The following FBXW7 variants were observed in gnomAD, a reference collection of about 807,000 sequenced individuals.
The protein encoded by FBXW7 is F-box and WD repeat domain containing 7.
In FBXW7, 11 loss-of-function variants were observed where a neutral mutation model predicts 86.3. That is an observed-to-expected ratio of 0.13 (90% confidence interval 0.08 to 0.21). The LOEUF (loss-of-function observed/expected upper bound fraction) is 0.21. FBXW7 is among the 10% of genes least tolerant of loss of function. FBXW7 has a pLI of 1.00. For missense variants in FBXW7, 488 were observed against 847.4 expected, an observed-to-expected ratio of 0.58 and a Z score of 5.27; for synonymous variants, 313 against 297.9, an observed-to-expected ratio of 1.05 and a Z score of -0.52.
rs557599171 is a variant in FBXW7, at chr4:152,453,506, A to G, written c.-119-40977T>C. On this transcript the variant is annotated intron_variant, in intron 2 of 13. Transcript: ENST00000281708. ...TGGATAAGGAAGATGCAGCCATACA[A>G]AAACGGGCTAAAATCTCTCCTGCCT... Among the ~76,000 whole-genome samples, 7 of 152,258 alleles carry G rather than the reference A, an allele frequency of 4.6e-5. No homozygotes were observed. In the South Asian group the frequency reaches 1.2e-3, roughly 27 times the overall value.
intron 10 of FBXW7, 46 bp downstream of exon 10, chr4:152,329,626 A>G (rs746758297): frequency 1.1e-6 from 1 of 949,070 alleles, no homozygotes; most frequent in South Asian, 1.7e-5. Flanking sequence ...TTGCAATGAT[A>G]TACACAAAAT....
chr4:152,449,035 C>T (rs918335657), intron 2 of FBXW7, among the ~76,000 whole-genome samples: 2 of 152,152 alleles, frequency 1.3e-5, no homozygotes, highest in Admixed American at 6.6e-5. Context: ...CACCCCTCCC[C>T]GTCTCCACAC....
intron 2 of FBXW7, among the ~76,000 whole-genome samples, chr4:152,520,138 A>C (rs576760228): frequency 1.4e-4 from 22 of 152,312 alleles, no homozygotes; most frequent in Middle Eastern, 3.4e-3. Context: ...GGGGGTAAAA[A>C]ATCAATCATT....
chr4:152,332,274 T>G (rs1424483312), intron 8 of FBXW7, among the ~76,000 whole-genome samples: 2 of 152,094 alleles, frequency 1.3e-5, no homozygotes, highest in Non-Finnish European at 2.9e-5. Context: ...TAAACATTTA[T>G]GAAAAGAATG....
intron 2 of FBXW7, among the ~76,000 whole-genome samples, chr4:152,484,104 ATTTG>A (rs1373184817): frequency 6.6e-6 from 1 of 152,118 alleles, no homozygotes; most frequent in Admixed American, 6.5e-5. Flanking sequence ...CTCTCTCTTC[ATTTG>A]TTTGATCCTA....
chr4:152,433,354 A>G (rs1321516308), intron 2 of FBXW7, among the ~76,000 whole-genome samples: 1 of 152,082 alleles, frequency 6.6e-6, no homozygotes, highest in Non-Finnish European at 1.5e-5. Context: ...GCTGCTTCCT[A>G]TTTTCACCAA....
chr4:152,453,347 T>A (rs1934260917), intron 2 of FBXW7, among the ~76,000 whole-genome samples: 1 of 151,972 alleles, frequency 6.6e-6, no homozygotes, highest in African/African-American at 2.4e-5. Flanking sequence ...TTCAAAGGGG[T>A]TCTCCTTGGT....
chr4:152,394,546 T>C (rs1169937715), intron 4 of FBXW7, among the ~76,000 whole-genome samples: 6 of 152,090 alleles, frequency 3.9e-5, no homozygotes. Flanking sequence ...ATTAATAATG[T>C]AGGCAAAAGT....
chr4:152,321,856 A>G lies in FBXW7; in HGVS notation c.*1025T>C, dbSNP rs888745027. 6 of 232,674 alleles carry G rather than the reference A, an allele frequency of 2.6e-5. No homozygotes were observed. Among genetic ancestry groups the G allele is most frequent in the Non-Finnish European group, 3.4e-5 (4 of 117,496 alleles). The allele number at this position is 232,674 out of a possible 1,614,324, so 14.4% of individuals were successfully genotyped here. ...TTAATTTTTGCCCAGATAAAAGAAA[A>G]TAAGCTTTGCACACACTCTCAATTC... is the stretch of plus-strand genomic sequence containing the variant. On this transcript the variant is annotated 3_prime_UTR_variant, in exon 14 of 14. Transcript: ENST00000281708.
rs947096313 is a variant in FBXW7 at position 152,322,693 on chromosome 4, T to C, written c.*188A>G. ...CAGCAGACGCCTCTCTTGTCAGTTA[T>C]GGTTTGTCATCTCTTCTTCTTTTCC... On this transcript the variant is annotated 3_prime_UTR_variant, in exon 14 of 14. Coordinates refer to ENST00000281708, the MANE Select transcript of FBXW7 (RefSeq NM_001349798.2). 3.1e-6 allele frequency: 3 copies of C among 960,130 alleles called. No individual in the cohort carries two copies. The highest frequency in any genetic ancestry group is 1.6e-5 in the African/African-American group (1 of 60,766). The allele number at this position is 960,130 out of a possible 1,614,324, so 59.5% of individuals were successfully genotyped here.
chr4:152,534,645 A>G (rs1750329623), intron 2 of FBXW7, among the ~76,000 whole-genome samples: 1 of 152,164 alleles, frequency 6.6e-6, no homozygotes, highest in Non-Finnish European at 1.5e-5. Flanking sequence ...CTGTGCGCAC[A>G]TATGCTCTGG....
In FBXW7 at chr4:152,347,086, A is replaced by G. The variant is rs1560786578; in HGVS notation, c.585-15T>C. ...GCCCAGTGGTACTACAAAAAAAAAA[A>G]AAAGAGAGAGAGAAAGGATAAAAGG... On this transcript the variant is annotated splice_polypyrimidine_tract_variant and intron_variant, in intron 5 of 13. Coordinates refer to ENST00000281708, the MANE Select transcript of FBXW7 (RefSeq NM_001349798.2). 1 of 1,586,708 alleles carries G rather than the reference A, an allele frequency of 6.3e-7. No homozygotes were observed. The highest frequency in any genetic ancestry group is 8.5e-7 in the Non-Finnish European group (1 of 1,172,220).
At chr4:152,498,205 T>C (rs1290134220) in intron 2 of FBXW7, among the ~76,000 whole-genome samples, 1 of 151,958 alleles carries the variant, frequency 6.6e-6, no homozygotes, top group East Asian at 1.9e-4. Context: ...TTTAAGAGAC[T>C]GCAAATAGTA....
At chr4:152,451,313 T>C (rs1171811281) in intron 2 of FBXW7, among the ~76,000 whole-genome samples, 3 of 152,186 alleles carry the variant, frequency 2.0e-5, no homozygotes, top group African/African-American at 7.2e-5. Flanking sequence ...TTTAAAAATA[T>C]TTAACAATCC....
At chr4:152,489,350 CA>C in intron 2 of FBXW7, 1 of 154,064 alleles carries the variant, frequency 6.5e-6, no homozygotes, top group Middle Eastern at 7.3e-4. Flanking sequence ...CCTGAATTCC[CA>C]AAAGCTCTTA....
At chr4:152,520,459 A>G (rs1268601967) in intron 2 of FBXW7, among the ~76,000 whole-genome samples, 2 of 150,796 alleles carry the variant, frequency 1.3e-5, no homozygotes, top group Non-Finnish European at 3.0e-5. Context: ...AAAAAAAAAA[A>G]TCAATCATTA....
intron 2 of FBXW7, among the ~76,000 whole-genome samples, chr4:152,461,656 G>C (rs1161163164): frequency 6.6e-6 from 1 of 152,136 alleles, no homozygotes; most frequent in Non-Finnish European, 1.5e-5. Context: ...TTCTTTACCT[G>C]AAAATGAGTC....
intron 4 of FBXW7, chr4:152,382,191 G>A (rs770309472): frequency 4.5e-5 from 70 of 1,547,438 alleles, no homozygotes; most frequent in Non-Finnish European, 5.3e-5. Context: ...AGACTTACCC[G>A]TCTTCGACAA....
intron 2 of FBXW7, among the ~76,000 whole-genome samples, chr4:152,510,940 G>A (rs893668571): frequency 3.3e-5 from 5 of 151,700 alleles, no homozygotes; most frequent in Admixed American, 6.6e-5. Context: ...TGCTGCCTTC[G>A]ATATACATTA....
Sources: gnomAD v4.1 joint callset for allele counts (sites outside exome capture counted in the v4.1 genomes callset) on GRCh38, gnomAD v4.1.1 for gene constraint, MANE v1.5 for transcripts, NCBI Gene and HGNC (gene_info 2026-07-23, HGNC 2026-07-21) for gene names.